The following ACAT1 variants were observed in gnomAD, a reference collection of about 807,000 sequenced individuals.
ACAT1 encodes the protein acetyl-CoA acetyltransferase, mitochondrial.
A neutral mutation model predicts 47.3 loss-of-function variants in ACAT1; 28 were observed. The observed-to-expected ratio is 0.59, with a 90% CI of 0.44 to 0.81. The LOEUF (loss-of-function observed/expected upper bound fraction) is 0.81. Ranked by LOEUF, ACAT1 falls within the 30% of genes least tolerant of loss-of-function variation. ACAT1 has a pLI of 0.00. For synonymous variants in ACAT1, 181 were observed against 173.6 expected (o/e 1.04, Z -0.34); for missense variants, 469 against 524.3 (o/e 0.89, Z 1.03).
At chr11:108,118,417 C>T (rs1864991891), upstream of ACAT1, among the ~76,000 whole-genome samples, 1 of 152,056 alleles carries the variant, frequency 6.6e-6, no homozygotes, top group Admixed American at 6.5e-5. Flanking sequence ...CTCTGTCACC[C>T]AGGCTGTAGT....
At chr11:108,144,471 G>A (rs931582897) in intron 10 of ACAT1, among the ~76,000 whole-genome samples, 1 of 152,146 alleles carries the variant, frequency 6.6e-6, no homozygotes, top group Non-Finnish European at 1.5e-5. Flanking sequence ...ACTAGAGACA[G>A]AAAACCTACA....
chr11:108,118,662 G>A (rs548660458), upstream of ACAT1, among the ~76,000 whole-genome samples: 1 of 152,182 alleles, frequency 6.6e-6, no homozygotes, highest in African/African-American at 2.4e-5. Flanking sequence ...GAGCCACCGC[G>A]CCCGGCCAAG....
chr11:108,122,070 G>C (rs1565281504), intron 1 of ACAT1: 1 of 304,268 alleles, frequency 3.3e-6, no homozygotes, highest in Non-Finnish European at 6.2e-6. Context: ...ATTTGTGTGC[G>C]TTATTGTCAG....
At chr11:108,128,501 G>A (rs1321949107) in intron 1 of ACAT1, 2 of 152,408 alleles carry the variant, frequency 1.3e-5, no homozygotes, top group African/African-American at 4.8e-5. Context: ...TGAGGCAGGA[G>A]AATTGCTTGA....
intron 10 of ACAT1, 108 bp downstream of exon 10, chr11:108,144,155 A>T: frequency 7.7e-7 from 1 of 1,295,980 alleles, no homozygotes; most frequent in Non-Finnish European, 1.1e-6. Flanking sequence ...GCAGAGAGAT[A>T]GCTTGGTTTC....
upstream of ACAT1, among the ~76,000 whole-genome samples, chr11:108,117,377 G>A (rs1184059847): frequency 3.3e-5 from 5 of 150,852 alleles, no homozygotes; most frequent in East Asian, 2.0e-4. Flanking sequence ...GCACGATCTC[G>A]ACTCACTGCA....
chr11:108,123,635 T>C (rs2077190799), intron 1 of ACAT1, among the ~76,000 whole-genome samples: 1 of 152,252 alleles, frequency 6.6e-6, no homozygotes, highest in East Asian at 1.9e-4. Context: ...GTTAAATTTC[T>C]TTGCCACTGA....
chr11:108,126,952 C>T (rs530752507), intron 1 of ACAT1, among the ~76,000 whole-genome samples: 2 of 151,654 alleles, frequency 1.3e-5, no homozygotes, highest in Admixed American at 1.3e-4. Flanking sequence ...GCCACCATGC[C>T]CTGTTATTTT....
intron 1 of ACAT1, among the ~76,000 whole-genome samples, chr11:108,130,907 G>A (rs544604296): frequency 2.0e-5 from 3 of 152,074 alleles, no homozygotes; most frequent in East Asian, 3.9e-4. Context: ...CCGCTACCAC[G>A]CCTGGCTAAT....
At chr11:108,137,354 G>GA (rs1306624983) in intron 5 of ACAT1, among the ~76,000 whole-genome samples, 2 of 152,038 alleles carry the variant, frequency 1.3e-5, no homozygotes, top group African/African-American at 2.4e-5. Flanking sequence ...CTGTGAGACT[G>GA]AAAAAGGGGA....
chr11:108,133,180 A>G (rs2077396549), intron 2 of ACAT1, among the ~76,000 whole-genome samples: 1 of 152,126 alleles, frequency 6.6e-6, no homozygotes, highest in Admixed American at 6.5e-5. Context: ...GTGAGACTCC[A>G]TCTCAAATTA....
chr11:108,122,826 T>C (rs2077176661), intron 1 of ACAT1, among the ~76,000 whole-genome samples: 1 of 152,132 alleles, frequency 6.6e-6, no homozygotes, highest in Non-Finnish European at 1.5e-5. Flanking sequence ...AATTAGGTTA[T>C]CTTGGGTTTC....
At chr11:108,121,549 G>T (rs1357311900), upstream of ACAT1, 1 of 1,527,120 alleles carries the variant, frequency 6.5e-7, no homozygotes, top group African/African-American at 1.4e-5. Flanking sequence ...GGGGTGCGGG[G>T]TTGGGGAGGA....
intron 10 of ACAT1, chr11:108,145,997 A>G (rs909530420): frequency 9.5e-5 from 45 of 473,676 alleles, no homozygotes; most frequent in Non-Finnish European, 1.6e-4. Context: ...TAGTGAGCCA[A>G]GATGGCGCCA....
intron 1 of ACAT1, among the ~76,000 whole-genome samples, chr11:108,131,177 GT>G (rs1466408209): frequency 6.6e-6 from 1 of 152,038 alleles, no homozygotes; most frequent in African/African-American, 2.4e-5. Context: ...TATGAGATGT[GT>G]TTGCCTCATA....
chr11:108,142,906 A>G (rs1229453503), intron 9 of ACAT1: 3 of 258,398 alleles, frequency 1.2e-5, no homozygotes, highest in Non-Finnish European at 2.3e-5. Flanking sequence ...AGATATAGCC[A>G]ACTCCAATAT....
Position 108,147,449 on chromosome 11 carries a change from T to C in ACAT1, c.*59T>C. 6.3e-7 allele frequency: 1 copy of C among 1,590,172 alleles called. No homozygotes were observed. Among genetic ancestry groups the C allele is most frequent in the East Asian group, 2.2e-5 (1 of 44,564 alleles). On this transcript the variant is annotated 3_prime_UTR_variant, in exon 12 of 12. Transcript: ENST00000265838. ...TGACCAGAAGGCCTGCTGTAATCAG[T>C]GTGACTACTGTGGGTCAGCTTATAT...
intron 5 of ACAT1, chr11:108,136,093 A>C: frequency 1.4e-6 from 1 of 705,304 alleles, no homozygotes; most frequent in South Asian, 1.5e-5. Flanking sequence ...CAGGCTCCTT[A>C]GCAAAAATAT....
chr11:108,141,155 G>A (rs563931673), intron 7 of ACAT1, among the ~76,000 whole-genome samples: 127 of 152,118 alleles, frequency 8.3e-4, no homozygotes, highest in African/African-American at 2.8e-3. Context: ...TTGAGCCCAG[G>A]AGTCCGAGGC....
Sources: allele counts gnomAD v4.1 joint callset (sites outside exome capture counted in the v4.1 genomes callset), GRCh38; gene constraint gnomAD v4.1.1; transcripts MANE v1.5; gene names NCBI Gene and HGNC (gene_info 2026-07-23, HGNC 2026-07-21).